Variants in NOP14 observed in about 807,000 individuals in gnomAD.
NOP14 encodes nucleolar protein 14.
In NOP14, 57 loss-of-function variants were observed where a neutral mutation model predicts 101.6. The ratio of observed to expected loss-of-function variants is 0.56; its 90% CI spans 0.45 to 0.70. The LOEUF (loss-of-function observed/expected upper bound fraction) is 0.70. Among genes scored for constraint, NOP14 ranks in the 30% least tolerant of loss-of-function variants. NOP14 has a pLI of 0.00. For missense variants in NOP14, 1,134 were observed against 1,075.5 expected, an observed-to-expected ratio of 1.05 and a Z score of -0.76; for synonymous variants, 428 against 424.0, an observed-to-expected ratio of 1.01 and a Z score of -0.12.
rs974050888 is a variant in NOP14, at chr4:2,957,033, G to A, written c.331-222C>T. Among the ~76,000 whole-genome samples, 10 of 151,792 alleles carry A rather than the reference G, an allele frequency of 6.6e-5. No homozygotes were observed. The South Asian group carries it at 1.5e-3, about 22-fold the overall frequency. ...TTTTTTTTCCTTCAGACAGAGTCTC[G>A]CTCTGTTGCCCAGGCTGGAGTGCGG... is the stretch of plus-strand genomic sequence containing the variant. On this transcript the variant is annotated intron_variant, in intron 2 of 17. Coordinates refer to ENST00000416614, the MANE Select transcript of NOP14 (RefSeq NM_001291978.2).
At chr4:2,962,905 G>A (rs1354374496) in intron 1 of NOP14, among the ~76,000 whole-genome samples, 1 of 152,108 alleles carries the variant, frequency 6.6e-6, no homozygotes, top group Non-Finnish European at 1.5e-5. Context: ...AGGAGTCGCC[G>A]AAATAACACG....
In NOP14 at chr4:2,951,215, C is replaced by A. The variant is rs751593991; in HGVS notation, c.901G>T (p.Asp301Tyr). The A allele has an allele frequency of 1.2e-6, 2 of 1,613,810 alleles. No individual in the cohort carries two copies. The highest frequency in any genetic ancestry group is 2.7e-5 in the African/African-American group (2 of 74,926). The change falls in exon 7 of 18, where the codon GAT becomes TAT. Residue 301 changes from aspartate (D) to tyrosine (Y), a missense_variant. Physicochemically the swap from Asp to Tyr is radical, Grantham distance 160. Transcript: ENST00000416614. ...GGTTTCTTAACATTTTCATCCTCAT[C>A]CTTTCCAAGCATTCTTCGAAGTCTC... ...AERLRRMLGK[D>Y]EDENVKKPKH...
chr4:2,960,576 G>C (rs925941123), intron 1 of NOP14, among the ~76,000 whole-genome samples: 7 of 150,774 alleles, frequency 4.6e-5, no homozygotes, highest in African/African-American at 1.7e-4. Flanking sequence ...CCTCATAACG[G>C]TGAGGATTAA....
chr4:2,959,321 G>T (rs748324844), intron 1 of NOP14, among the ~76,000 whole-genome samples: 2 of 152,166 alleles, frequency 1.3e-5, no homozygotes, highest in African/African-American at 2.4e-5. Context: ...GGCCGGGCGC[G>T]GTGGCTCACG....
At chr4:2,952,773 T>C (rs1560304440) in intron 5 of NOP14, among the ~76,000 whole-genome samples, 1 of 152,188 alleles carries the variant, frequency 6.6e-6, no homozygotes, top group African/African-American at 2.4e-5. Context: ...TGAAACCCTG[T>C]CTTTACTAAA....
At chr4:2,943,575 C>A (rs554065902) in intron 13 of NOP14, among the ~76,000 whole-genome samples, 1 of 152,224 alleles carries the variant, frequency 6.6e-6, no homozygotes, top group Non-Finnish European at 1.5e-5. Context: ...CTGCTCTTGC[C>A]GCCCTCGCTC....
In NOP14 at chr4:2,953,541, T is replaced by C. The variant is rs765737914; in HGVS notation, c.717A>G (p.Ser239=). Residue 239 remains serine, a synonymous_variant, in exon 5 of 18, where the codon TCA becomes TCG. Coordinates refer to ENST00000416614, the MANE Select transcript of NOP14 (RefSeq NM_001291978.2). ...QTLLSHKTPK[S]ENRDKKEKPK... ...GTTTTTCCTTTTTGTCTCTGTTCTC[T>C]GACTTGGGAGTTTTGTGGGACAGGA... 5.6e-6 allele frequency: 9 copies of C among 1,614,150 alleles called. No homozygotes were observed. In the East Asian group the frequency reaches 2.0e-4, roughly 36 times the overall value.
At chr4:2,942,823 C>A (rs749442418) in intron 13 of NOP14, among the ~76,000 whole-genome samples, 1 of 145,414 alleles carries the variant, frequency 6.9e-6, no homozygotes, top group Admixed American at 6.7e-5. Context: ...GAGGGGCAGA[C>A]GTCAGCAAAG....
At chr4:2,956,446 C>T (rs903621343) in intron 3 of NOP14, among the ~76,000 whole-genome samples, 2 of 151,454 alleles carry the variant, frequency 1.3e-5, no homozygotes, top group Non-Finnish European at 2.9e-5. Context: ...TTTCTTGGCC[C>T]ATAAAAGCAT....
intron 10 of NOP14, 66 bp downstream of exon 10, chr4:2,947,460 C>T (rs896913080): frequency 2.7e-6 from 3 of 1,127,844 alleles, no homozygotes; most frequent in Middle Eastern, 3.9e-4. Context: ...ATTTTTATGA[C>T]TCTAAATGGG....
At position 2,954,479 on chromosome 4, in the gene NOP14, G is replaced by A. The variant is rs768103787; in HGVS notation, c.557C>T (p.Pro186Leu). The A allele has an allele frequency of 4.3e-6, 7 of 1,614,030 alleles. No individual in the cohort carries two copies. The East Asian group carries it at 1.1e-4, about 26-fold the overall frequency. ...TTCAATCAGCTCTTTCCGGGACTTC[G>A]GTTTCTCCCGCTCCTCGCCTTCCTG... ...TQQEGEEREK[P>L]KSRKELIEEL... The change falls in exon 4 of 18, where the codon CCG (proline) becomes CTG (leucine). Residue 186 changes from proline to leucine, a missense_variant. Pro to Leu is a moderately conservative substitution (Grantham distance 98, BLOSUM62 -3). Coordinates refer to ENST00000416614, the MANE Select transcript of NOP14 (RefSeq NM_001291978.2).
Position 2,963,298 on chromosome 4 carries a change from C to T in NOP14, c.22G>A (p.Gly8Arg). 6 of 1,592,334 alleles carry T rather than the reference C, an allele frequency of 3.8e-6. No homozygotes were observed. The highest frequency in any genetic ancestry group is 5.1e-6 in the Non-Finnish European group (6 of 1,172,400). Reference sequence around the variant, plus strand: ...GCCCCGGAGGCCTTCCTTCGCGCCCCGACCTTCTTCGCCTTCGCCATGGCG... The same window carrying T: ...GCCCCGGAGGCCTTCCTTCGCGCCCTGACCTTCTTCGCCTTCGCCATGGCG... MAKAKKVGARRKASGAPA... is the reference protein window; with the variant it reads MAKAKKVRARRKASGAPA... Residue 8 changes from glycine to arginine, a missense_variant, in exon 1 of 18, where the codon GGG becomes AGG. Gly to Arg is a moderately radical substitution (Grantham distance 125). Transcript: ENST00000416614.
At chr4:2,949,549 C>G (rs1447870878) in intron 8 of NOP14, among the ~76,000 whole-genome samples, 1 of 152,168 alleles carries the variant, frequency 6.6e-6, no homozygotes, top group Non-Finnish European at 1.5e-5. Flanking sequence ...ACTGTATATT[C>G]CATCTAAAAT....
chr4:2,942,127 G>C (rs1297034227), intron 14 of NOP14, 65 bp downstream of exon 14: 1 of 1,517,160 alleles, frequency 6.6e-7, no homozygotes, highest in African/African-American at 1.4e-5. Context: ...GAAAGCACGA[G>C]TGGCTTCTCC....
chr4:2,951,303 G>T, intron 6 of NOP14, 58 bp from the exon 7 acceptor site: 1 of 1,562,666 alleles, frequency 6.4e-7, no homozygotes, highest in Non-Finnish European at 8.8e-7. Context: ...TGGTGAGGGG[G>T]CCGTGCAGTC....
intron 1 of NOP14, among the ~76,000 whole-genome samples, chr4:2,958,831 C>A (rs1292901447): frequency 6.6e-6 from 1 of 152,120 alleles, no homozygotes; most frequent in South Asian, 2.1e-4. Flanking sequence ...CGGAGATGAA[C>A]TTAAAGGCTA....
At chr4:2,939,038 T>G (rs1713917447) in intron 17 of NOP14, 108 bp from the exon 18 acceptor site, 4 of 1,481,818 alleles carry the variant, frequency 2.7e-6, no homozygotes, top group Non-Finnish European at 3.8e-6. Flanking sequence ...CCACGTTCAG[T>G]TCAAACAGGG....
chr4:2,941,503 C>A lies in NOP14; in HGVS notation c.2199+79G>T, dbSNP rs983416371. 8 of 1,359,902 alleles carry A rather than the reference C, an allele frequency of 5.9e-6. No homozygotes were observed. In the Admixed American group the frequency reaches 1.9e-4, roughly 33 times the overall value. The allele number at this position is 1,359,902 out of a possible 1,614,324, so 84.2% of individuals were successfully genotyped here. On this transcript the variant is annotated intron_variant, in intron 15 of 17. Coordinates refer to ENST00000416614, the MANE Select transcript of NOP14 (RefSeq NM_001291978.2). Reference sequence around the variant, plus strand: ...GACTTACAGCTGCAGCATCAAATGACTGACTGCCACCAGCTTGGCCCCAGC... The same window carrying A: ...GACTTACAGCTGCAGCATCAAATGAATGACTGCCACCAGCTTGGCCCCAGC...
chr4:2,939,272 T>C lies in NOP14; in HGVS notation c.2390A>G (p.Lys797Arg), dbSNP rs1713942986. ...TCGAACGGCCCCTTTAAATTCACGC[T>C]TGTGTTTGTGGATCAGCCTCTTCCT... ...QERKRLIHKH[K>R]REFKGAVREI... Residue 797 changes from lysine to arginine, a missense_variant, in exon 17 of 18, where the codon AAG (lysine) becomes AGG (arginine). Transcript: ENST00000416614. 6.2e-7 allele frequency: 1 copy of C among 1,614,058 alleles called. No individual in the cohort carries two copies. The highest frequency in any genetic ancestry group is 1.1e-5 in the South Asian group (1 of 91,090).
Sources: allele counts gnomAD v4.1 joint callset (sites outside exome capture counted in the v4.1 genomes callset), GRCh38; gene constraint gnomAD v4.1.1; transcripts MANE v1.5; gene names NCBI Gene and HGNC (gene_info 2026-07-23, HGNC 2026-07-21).